The following MRPS27 variants were observed in gnomAD, a reference collection of about 807,000 sequenced individuals.
MRPS27 encodes the protein small ribosomal subunit protein mS27.
Under a neutral mutation model 48.9 loss-of-function variants are expected in MRPS27, and 43 were observed. The observed-to-expected ratio is 0.88, with a 90% CI of 0.69 to 1.13. The LOEUF (loss-of-function observed/expected upper bound fraction) is 1.13. MRPS27 is among the 50% of genes most tolerant of loss of function. The probability of loss-of-function intolerance (pLI) is 0.00; values close to 1 mark genes in which losing one functional copy is unlikely to be tolerated. For synonymous variants in MRPS27, 188 were observed against 171.9 expected, an observed-to-expected ratio of 1.09 and a Z score of -0.73; for missense variants, 467 against 476.3, an observed-to-expected ratio of 0.98 and a Z score of 0.18.
intron 4 of MRPS27, among the ~76,000 whole-genome samples, chr5:72,248,653 C>T (rs929227567): frequency 6.8e-6 from 1 of 147,160 alleles, no homozygotes; most frequent in African/African-American, 2.5e-5. Context: ...CTGGTTCCAC[C>T]CCCACCATTT....
At chr5:72,259,454 G>A (rs1748904480) in intron 4 of MRPS27, among the ~76,000 whole-genome samples, 2 of 129,204 alleles carry the variant, frequency 1.5e-5, no homozygotes, top group Admixed American at 1.6e-4. Flanking sequence ...GGCAACAAAA[G>A]TGAAACTTCG....
chr5:72,301,542 C>G (rs1561361416), intron 2 of MRPS27, among the ~76,000 whole-genome samples: 1 of 152,194 alleles, frequency 6.6e-6, no homozygotes, highest in African/African-American at 2.4e-5. Flanking sequence ...CCCATCATTT[C>G]TTTGTGGGTT....
intron 4 of MRPS27, among the ~76,000 whole-genome samples, chr5:72,265,202 A>G (rs564726648): frequency 6.6e-6 from 1 of 152,344 alleles, no homozygotes; most frequent in East Asian, 1.9e-4. Flanking sequence ...GCCATTTGAT[A>G]ATGACACAAA....
rs376664405 is a variant in MRPS27, at chr5:72,223,666, G to C, written c.1005+17C>G. Reference sequence around the variant, plus strand: ...TTTTATGCGCTGCTAAGAGAGACACGTTCTGCTATGATTCACCTTAAATCG... The same window carrying C: ...TTTTATGCGCTGCTAAGAGAGACACCTTCTGCTATGATTCACCTTAAATCG... On this transcript the variant is annotated intron_variant, in intron 10 of 10. Transcript: ENST00000261413. The C allele has an allele frequency of 1.2e-6, 2 of 1,613,686 alleles. No homozygotes were observed. The highest frequency in any genetic ancestry group is 1.7e-6 in the Non-Finnish European group (2 of 1,179,690).
At chr5:72,291,755 GCA>G (rs1459536657) in intron 4 of MRPS27, among the ~76,000 whole-genome samples, 2 of 152,226 alleles carry the variant, frequency 1.3e-5, no homozygotes, top group Admixed American at 6.5e-5. Context: ...GCAGCTGGAG[GCA>G]CAGTTTCTCT....
intron 2 of MRPS27, among the ~76,000 whole-genome samples, chr5:72,299,591 T>C (rs1461987149): frequency 1.3e-5 from 2 of 152,264 alleles, no homozygotes; most frequent in Non-Finnish European, 2.9e-5. Flanking sequence ...ATACCTACCC[T>C]GAACAAATCA....
At chr5:72,267,954 T>C (rs574470292) in intron 4 of MRPS27, among the ~76,000 whole-genome samples, 1 of 152,266 alleles carries the variant, frequency 6.6e-6, no homozygotes, top group Admixed American at 6.5e-5. Context: ...ACAATTACTA[T>C]TTGCAAAGAA....
chr5:72,227,983 A>T, intron 8 of MRPS27: 1 of 442,520 alleles, frequency 2.3e-6, no homozygotes, highest in Non-Finnish European at 3.9e-6. Flanking sequence ...GGGCCAGAAC[A>T]TCCCTTTCTT....
chr5:72,281,428 A>G (rs757452168), intron 4 of MRPS27, among the ~76,000 whole-genome samples: 1 of 152,210 alleles, frequency 6.6e-6, no homozygotes, highest in Non-Finnish European at 1.5e-5. Context: ...TGTCTCAGGT[A>G]AAGAGAAAGA....
chr5:72,223,917 CTAGAGAAG>C lies in MRPS27; in HGVS notation c.838-75_838-68del, dbSNP rs1747825518. 3.3e-6 allele frequency: 5 copies of C among 1,501,734 alleles called. No homozygotes were observed. The African/African-American group carries it at 5.6e-5, about 17-fold the overall frequency. 93.0% of individuals were successfully genotyped at this position (1,501,734 alleles called of 1,614,324 possible). ...CCCAAAAGCACATGGTGAAGAAAGG[CTAGAGAAG>C]GCGAAAGAAAGGAAGAATGAGCTCT... On this transcript the variant is annotated intron_variant, in intron 9 of 10. Transcript: ENST00000261413.
At chr5:72,243,089 T>C (rs1748404034) in intron 4 of MRPS27, among the ~76,000 whole-genome samples, 1 of 152,124 alleles carries the variant, frequency 6.6e-6, no homozygotes, top group Non-Finnish European at 1.5e-5. Context: ...GATGGGAACC[T>C]CAGCCACGGA....
At chr5:72,314,226 A>C in intron 1 of MRPS27, 68 bp from the exon 2 acceptor site, 2 of 1,135,176 alleles carry the variant, frequency 1.8e-6, no homozygotes, top group Non-Finnish European at 2.6e-6. Flanking sequence ...TGTTTTATTA[A>C]ATATATCTTC....
At chr5:72,232,344 T>C in intron 7 of MRPS27, 99 bp downstream of exon 7, 7 of 746,770 alleles carry the variant, frequency 9.4e-6, no homozygotes, top group Non-Finnish European at 1.3e-5. Context: ...TGGTTGTGCC[T>C]GGCCACAGAG....
In MRPS27 at chr5:72,293,529, AC is replaced by A. The variant is rs562997430; in HGVS notation, c.281+2001del. On this transcript the variant is annotated intron_variant, in intron 4 of 10. Transcript: ENST00000261413. ...AACTTTCAGTTATACCCCAGGCCAC[AC>A]AAAACTGAACATCATGTGAAGAATT... is the stretch of plus-strand genomic sequence containing the variant. 2.4e-3 allele frequency among the ~76,000 whole-genome samples: 364 copies of A among 152,332 alleles called. 1 individual carries two copies. Among genetic ancestry groups the A allele is most frequent in the African/African-American group, 8.5e-3 (352 of 41,584 alleles).
chr5:72,223,164 T>C (rs1025509410), intron 10 of MRPS27, among the ~76,000 whole-genome samples: 1 of 152,188 alleles, frequency 6.6e-6, no homozygotes, highest in East Asian at 1.9e-4. Flanking sequence ...AGGGCTGTTC[T>C]GGAAAGAAAC....
At chr5:72,286,090 C>T (rs1018580376) in intron 4 of MRPS27, among the ~76,000 whole-genome samples, 15 of 152,180 alleles carry the variant, frequency 9.9e-5, no homozygotes, top group Non-Finnish European at 2.1e-4. Context: ...TTATAATCTT[C>T]TTTGTTAGTT....
At chr5:72,302,570 T>A (rs1750152980) in intron 2 of MRPS27, among the ~76,000 whole-genome samples, 1 of 152,160 alleles carries the variant, frequency 6.6e-6, no homozygotes, top group Admixed American at 6.5e-5. Flanking sequence ...ACTATAAAAA[T>A]AAAACAAAAT....
intron 4 of MRPS27, among the ~76,000 whole-genome samples, chr5:72,283,871 C>G (rs1018318584): frequency 2.6e-5 from 4 of 152,126 alleles, no homozygotes; most frequent in African/African-American, 9.7e-5. Flanking sequence ...TGTTTTCTGT[C>G]TCTACATTCA....
At position 72,307,097 on chromosome 5, in the gene MRPS27, T is replaced by C. The variant is rs1561363708; in HGVS notation, c.151+6984A>G. ...AGCCAGGAGCGGTGGCTCACGCCTG[T>C]AATCCCAGCACTTGGGGAGGCCGAG... On this transcript the variant is annotated intron_variant, in intron 2 of 10. Transcript: ENST00000261413. Among the ~76,000 whole-genome samples the C allele has an allele frequency of 2.6e-5, 4 of 152,116 alleles. No individual in the cohort carries two copies. The South Asian group carries it at 8.3e-4, about 31-fold the overall frequency.
Sources: allele counts gnomAD v4.1 joint callset (sites outside exome capture counted in the v4.1 genomes callset), GRCh38; gene constraint gnomAD v4.1.1; transcripts MANE v1.5; gene names NCBI Gene and HGNC (gene_info 2026-07-23, HGNC 2026-07-21).